ERBB4: variants seen among roughly 807,000 people sequenced by gnomAD.
The protein encoded by ERBB4 is erb-b2 receptor tyrosine kinase 4.
In ERBB4, 42 loss-of-function variants were observed where a neutral mutation model predicts 158.0. The ratio of observed to expected loss-of-function variants is 0.27; its 90% CI spans 0.21 to 0.34. The LOEUF is 0.34. ERBB4 is among the 10% of genes least tolerant of loss of function. ERBB4 has a pLI of 1.00. For missense variants in ERBB4, 1,333 were observed against 1,624.1 expected, an observed-to-expected ratio of 0.82 and a Z score of 3.08; for synonymous variants, 583 against 558.7, an observed-to-expected ratio of 1.04 and a Z score of -0.61.
intron 22 of ERBB4, among the ~76,000 whole-genome samples, chr2:211,427,481 CAATAA>C (rs1264774985): frequency 6.6e-6 from 1 of 152,076 alleles, no homozygotes; most frequent in African/African-American, 2.4e-5. Context: ...AAGTTAAACA[CAATAA>C]AATAAATGTT....
At chr2:212,104,394 T>C (rs1396008216) in intron 2 of ERBB4, among the ~76,000 whole-genome samples, 4 of 152,080 alleles carry the variant, frequency 2.6e-5, no homozygotes, top group Admixed American at 2.6e-4. Context: ...TATTATCCCA[T>C]ACATGTTCAA....
At chr2:212,015,040 AAAT>A (rs2076481036) in intron 2 of ERBB4, among the ~76,000 whole-genome samples, 2 of 12,232 alleles carry the variant, frequency 1.6e-4, no homozygotes, top group African/African-American at 3.2e-4. Context: ...AAAAAAAAAA[AAAT>A]ATATATATAT....
intron 1 of ERBB4, among the ~76,000 whole-genome samples, chr2:212,453,854 A>G (rs1688133067): frequency 6.6e-6 from 1 of 152,210 alleles, no homozygotes; most frequent in Non-Finnish European, 1.5e-5. Context: ...GAGTACTAGA[A>G]AAAGTATTTT....
intron 2 of ERBB4, among the ~76,000 whole-genome samples, chr2:212,085,463 C>T (rs1271651577): frequency 1.3e-5 from 2 of 151,868 alleles, no homozygotes; most frequent in Non-Finnish European, 2.9e-5. Context: ...GGCACATCCT[C>T]AACCTCTTTC....
At chr2:211,856,546 C>G (rs992095728) in intron 3 of ERBB4, among the ~76,000 whole-genome samples, 1 of 143,422 alleles carries the variant, frequency 7.0e-6, no homozygotes, top group African/African-American at 2.5e-5. Context: ...CCACCACGCC[C>G]GGCTAATTTT....
At chr2:212,109,480 C>G (rs2079337836) in intron 2 of ERBB4, among the ~76,000 whole-genome samples, 1 of 152,194 alleles carries the variant, frequency 6.6e-6, no homozygotes, top group Non-Finnish European at 1.5e-5. Flanking sequence ...ACACCCACTT[C>G]TTTCAGCTAT....
At chr2:212,368,348 T>C (rs1574782576) in intron 1 of ERBB4, among the ~76,000 whole-genome samples, 1 of 152,234 alleles carries the variant, frequency 6.6e-6, no homozygotes, top group East Asian at 1.9e-4. Flanking sequence ...ACATTGTATG[T>C]TCTCACGGAT....
At chr2:211,571,775 A>G (rs2067736322) in intron 19 of ERBB4, among the ~76,000 whole-genome samples, 1 of 152,162 alleles carries the variant, frequency 6.6e-6, no homozygotes, top group Non-Finnish European at 1.5e-5. Context: ...ATAAATGAAC[A>G]AAATCTGTAT....
At chr2:212,523,623 T>G (rs1027064092) in intron 1 of ERBB4, among the ~76,000 whole-genome samples, 3 of 152,084 alleles carry the variant, frequency 2.0e-5, no homozygotes, top group Admixed American at 6.6e-5. Flanking sequence ...GGTAGGATGA[T>G]GAGGAGCAGA....
At chr2:211,410,959 AG>A (rs1290768682) in intron 25 of ERBB4, among the ~76,000 whole-genome samples, 1 of 152,232 alleles carries the variant, frequency 6.6e-6, no homozygotes, top group African/African-American at 2.4e-5. Flanking sequence ...GCCAGGCTGA[AG>A]TACAGTGGCG....
At chr2:211,599,809 A>G (rs893286664) in intron 19 of ERBB4, among the ~76,000 whole-genome samples, 2 of 152,172 alleles carry the variant, frequency 1.3e-5, no homozygotes, top group African/African-American at 4.8e-5. Context: ...ACTATTCCCA[A>G]TATTTTAAAA....
intron 4 of ERBB4, among the ~76,000 whole-genome samples, chr2:211,772,951 A>T (rs796546852): frequency 0.14 from 9,948 of 71,670 alleles, 1,677 homozygotes; most frequent in African/African-American, 0.34. Context: ...ATATATATAT[A>T]TATATTTTTT....
chr2:212,253,207 T>A (rs1019815996), intron 1 of ERBB4, among the ~76,000 whole-genome samples: 1 of 152,156 alleles, frequency 6.6e-6, no homozygotes, highest in Non-Finnish European at 1.5e-5. Context: ...CATGTTCAAT[T>A]AAAAGTTGTT....
intron 1 of ERBB4, among the ~76,000 whole-genome samples, chr2:212,125,434 A>G (rs995627729): frequency 6.6e-6 from 1 of 152,176 alleles, no homozygotes; most frequent in Non-Finnish European, 1.5e-5. Flanking sequence ...CTTTTATTTT[A>G]AGTTCAGGGG....
chr2:212,076,412 T>C (rs1220324759), intron 2 of ERBB4, among the ~76,000 whole-genome samples: 1 of 151,946 alleles, frequency 6.6e-6, no homozygotes, highest in Non-Finnish European at 1.5e-5. Flanking sequence ...TCAATTCAAT[T>C]CAATCCAACA....
intron 1 of ERBB4, among the ~76,000 whole-genome samples, chr2:212,156,005 AAT>A (rs1409947336): frequency 1.2e-4 from 18 of 152,224 alleles, no homozygotes; most frequent in African/African-American, 4.1e-4. Context: ...TGTATTTTTA[AAT>A]ATGTTTCTGG....
intron 25 of ERBB4, among the ~76,000 whole-genome samples, chr2:211,417,807 G>A (rs2063426589): frequency 6.6e-6 from 1 of 152,088 alleles, no homozygotes. Flanking sequence ...AAGAAAGTGT[G>A]ATTATTTATG....
chr2:211,948,659 T>TA (rs1034957969), intron 2 of ERBB4, among the ~76,000 whole-genome samples: 14 of 151,598 alleles, frequency 9.2e-5, no homozygotes, highest in South Asian at 4.2e-4. Flanking sequence ...TGTCAGAATT[T>TA]AAAAAAAACT....
At chr2:211,532,151 T>TGG (rs35328583) in intron 20 of ERBB4, among the ~76,000 whole-genome samples, 173 of 151,104 alleles carry the variant, frequency 1.1e-3, no homozygotes, top group East Asian at 4.7e-3. Context: ...GGAAGGGTTG[T>TGG]GGGGGGGGAA....
Sources: gnomAD v4.1 joint callset for allele counts (sites outside exome capture counted in the v4.1 genomes callset) on GRCh38, gnomAD v4.1.1 for gene constraint, MANE v1.5 for transcripts, NCBI Gene and HGNC (gene_info 2026-07-23, HGNC 2026-07-21) for gene names.